Variants in SLC17A8 observed in about 807,000 individuals in gnomAD.
The protein encoded by SLC17A8 is vesicular glutamate transporter 3.
Under a neutral mutation model 58.0 loss-of-function variants are expected in SLC17A8, and 31 were observed. That is an observed-to-expected ratio of 0.53 (90% CI 0.40 to 0.72). SLC17A8 has a LOEUF of 0.72. Among genes scored for constraint, SLC17A8 ranks in the 30% least tolerant of loss-of-function variants. The probability of loss-of-function intolerance (pLI) is 0.00; values close to 1 mark genes in which losing one functional copy is unlikely to be tolerated. For synonymous variants in SLC17A8, 228 were observed against 249.0 expected (o/e 0.92, Z 0.79); for missense variants, 655 against 727.8 (o/e 0.90, Z 1.15).
chr12:100,378,509 C>G (rs1025197058), intron 1 of SLC17A8, among the ~76,000 whole-genome samples: 1 of 151,648 alleles, frequency 6.6e-6, no homozygotes, highest in Non-Finnish European at 1.5e-5. Context: ...AGGAGGATAA[C>G]TGAAAGAGAA....
chr12:100,385,332 G>A (rs1018267003), intron 2 of SLC17A8, among the ~76,000 whole-genome samples: 8 of 145,728 alleles, frequency 5.5e-5, no homozygotes, highest in African/African-American at 7.7e-5. Flanking sequence ...CACCTCCCCG[G>A]TTCAAGCGAT....
chr12:100,382,682 C>T (rs533896566), intron 2 of SLC17A8, among the ~76,000 whole-genome samples: 1 of 152,174 alleles, frequency 6.6e-6, no homozygotes, highest in South Asian at 2.1e-4. Context: ...ACCTGGAGCC[C>T]ATACTGTGCT....
At chr12:100,390,447 T>C (rs903960287) in intron 2 of SLC17A8, among the ~76,000 whole-genome samples, 1 of 151,534 alleles carries the variant, frequency 6.6e-6, no homozygotes, top group East Asian at 2.0e-4. Context: ...CCCAGGTTCA[T>C]GCCATTCTCC....
At chr12:100,409,168 TG>T (rs1952848042) in intron 9 of SLC17A8, among the ~76,000 whole-genome samples, 1 of 151,756 alleles carries the variant, frequency 6.6e-6, no homozygotes, top group African/African-American at 2.4e-5. Context: ...TATGTATGTA[TG>T]TATGTATGTA....
At chr12:100,395,533 C>G (rs549780010) in intron 4 of SLC17A8, among the ~76,000 whole-genome samples, 4 of 152,190 alleles carry the variant, frequency 2.6e-5, no homozygotes, top group African/African-American at 9.6e-5. Flanking sequence ...GCCATGTTGG[C>G]CAGGCTGGTC....
Position 100,391,056 on chromosome 12 carries a change from T to A in SLC17A8, c.410T>A (p.Phe137Tyr). Reference protein sequence around the residue: ...ETVGLIHGSFFWGYIMTQIPG... With the variant: ...ETVGLIHGSFYWGYIMTQIPG... ...GTGGGCCTTATCCATGGATCTTTTT[T>A]CTGGGGCTATATTATGACACAAATT... Residue 137 changes from phenylalanine (F) to tyrosine (Y), a missense_variant, in exon 3 of 12, where the codon TTC becomes TAC. Phe to Tyr is a conservative substitution (Grantham distance 22, BLOSUM62 3). Transcript: ENST00000323346. 1.9e-6 allele frequency: 3 copies of A among 1,614,070 alleles called. No homozygotes were observed. The highest frequency in any genetic ancestry group is 2.5e-6 in the Non-Finnish European group (3 of 1,179,968).
intron 3 of SLC17A8, among the ~76,000 whole-genome samples, chr12:100,392,125 C>T (rs1375690555): frequency 6.6e-6 from 1 of 151,938 alleles, no homozygotes; most frequent in Non-Finnish European, 1.5e-5. Context: ...CTCTCCAGGT[C>T]GCTTCCAATT....
intron 2 of SLC17A8, among the ~76,000 whole-genome samples, chr12:100,384,241 C>T (rs1386262801): frequency 6.6e-6 from 1 of 152,090 alleles, no homozygotes; most frequent in Non-Finnish European, 1.5e-5. Flanking sequence ...ATAAGTTGCC[C>T]TTGTGTCCTG....
In SLC17A8 at chr12:100,421,608, T is replaced by C. The variant is rs1025160149; in HGVS notation, c.*1449T>C. 1.3e-5 allele frequency: 2 copies of C among 151,236 alleles called. No individual in the cohort carries two copies. Among genetic ancestry groups the C allele is most frequent in the Non-Finnish European group, 2.9e-5 (2 of 67,872 alleles). The allele number at this position is 151,236 out of a possible 1,614,324, so 9.4% of individuals were successfully genotyped here. A position where few individuals can be genotyped will look rare whatever the true frequency, so the allele number is the denominator to read the frequency against. ...TTTATTCCTACTTTCAGAAGAAAAA[T>C]ATAATACGGAAAAAATTATAGATTT... On this transcript the variant is annotated 3_prime_UTR_variant, in exon 12 of 12. Transcript: ENST00000323346.
At chr12:100,408,866 G>T (rs1027410752) in intron 9 of SLC17A8, among the ~76,000 whole-genome samples, 8 of 152,112 alleles carry the variant, frequency 5.3e-5, no homozygotes, top group Admixed American at 6.5e-5. Flanking sequence ...TTCCCTATGT[G>T]TAGTCTTAAA....
At chr12:100,392,734 C>A (rs73376007) in intron 3 of SLC17A8, among the ~76,000 whole-genome samples, 2 of 152,074 alleles carry the variant, frequency 1.3e-5, no homozygotes, top group African/African-American at 4.8e-5. Context: ...CCCAGGGCAC[C>A]CTGAGCTGGC....
chr12:100,359,166 C>G (rs975333665), intron 1 of SLC17A8, among the ~76,000 whole-genome samples: 1 of 152,092 alleles, frequency 6.6e-6, no homozygotes, highest in African/African-American at 2.4e-5. Flanking sequence ...AATTTAAAAA[C>G]CTATGACGTT....
chr12:100,367,909 T>G (rs1447588328), intron 1 of SLC17A8, among the ~76,000 whole-genome samples: 1 of 152,200 alleles, frequency 6.6e-6, no homozygotes, highest in Non-Finnish European at 1.5e-5. Context: ...CTGTGTATAA[T>G]GTAATAATGA....
At chr12:100,399,566 G>A (rs573395465) in intron 5 of SLC17A8, among the ~76,000 whole-genome samples, 70 of 152,134 alleles carry the variant, frequency 4.6e-4, no homozygotes, top group Non-Finnish European at 7.5e-4. Context: ...GGGAGGCAAG[G>A]CACATCTTAC....
intron 2 of SLC17A8, among the ~76,000 whole-genome samples, chr12:100,387,045 T>C (rs1188223058): frequency 6.6e-6 from 1 of 152,212 alleles, no homozygotes; most frequent in East Asian, 1.9e-4. Context: ...GTCTTGGCTA[T>C]TGTGAATAAT....
At chr12:100,397,070 C>G (rs1952759293) in intron 5 of SLC17A8, among the ~76,000 whole-genome samples, 1 of 152,144 alleles carries the variant, frequency 6.6e-6, no homozygotes, top group Non-Finnish European at 1.5e-5. Context: ...GTATCATATG[C>G]TTTACTAAAT....
At position 100,420,475 on chromosome 12, in the gene SLC17A8, G is replaced by A; in HGVS notation, c.*316G>A. The A allele has an allele frequency of 3.5e-6, 1 of 287,302 alleles. No homozygotes were observed. Among genetic ancestry groups the A allele is most frequent in the South Asian group, 5.0e-5 (1 of 19,804 alleles). 17.8% of individuals were successfully genotyped at this position (287,302 alleles called of 1,614,324 possible). On this transcript the variant is annotated 3_prime_UTR_variant, in exon 12 of 12. Transcript: ENST00000323346. Reference sequence around the variant, plus strand: ...CCATGTTGTTCAAAGAAACATTGAAGGAAATTGGGATGTTTGGCCAGAAGG... The same window carrying A: ...CCATGTTGTTCAAAGAAACATTGAAAGAAATTGGGATGTTTGGCCAGAAGG...
intron 9 of SLC17A8, among the ~76,000 whole-genome samples, chr12:100,410,354 G>A (rs1217061593): frequency 6.6e-6 from 1 of 152,170 alleles, no homozygotes; most frequent in African/African-American, 2.4e-5. Flanking sequence ...AATTAGCTGG[G>A]CATGGTGGTG....
At position 100,402,353 on chromosome 12, in the gene SLC17A8, T is replaced by C; in HGVS notation, c.777T>C (p.Ile259=). ...TTTTAACTGCAGGCATGTTTGGGAT[T>C]ATTTGGTACATGTTTTGGCTGTTGC... ...SVFYIYGMFG[I]IWYMFWLLQA... Residue 259 remains isoleucine, a synonymous_variant, in exon 7 of 12, where the codon ATT becomes ATC. Transcript: ENST00000323346. 1 of 1,614,170 alleles carries C rather than the reference T, an allele frequency of 6.2e-7. No individual in the cohort carries two copies. The highest frequency in any genetic ancestry group is 1.1e-5 in the South Asian group (1 of 91,080).
Sources: gnomAD v4.1 joint callset for allele counts (sites outside exome capture counted in the v4.1 genomes callset) on GRCh38, gnomAD v4.1.1 for gene constraint, MANE v1.5 for transcripts, NCBI Gene and HGNC (gene_info 2026-07-23, HGNC 2026-07-21) for gene names.